Variants in NRXN1 observed in about 807,000 individuals in gnomAD.
NRXN1 encodes neurexin 1.
In NRXN1, 39 loss-of-function variants were observed where a neutral mutation model predicts 150.9. The ratio of observed to expected loss-of-function variants is 0.26; its 90% CI spans 0.20 to 0.34. The LOEUF is 0.34. NRXN1 is among the 10% of genes least tolerant of loss of function. The pLI is 1.00. For synonymous variants in NRXN1, 924 were observed against 757.0 expected, an observed-to-expected ratio of 1.22 and a Z score of -3.62; for missense variants, 1,815 against 1,949.9, an observed-to-expected ratio of 0.93 and a Z score of 1.30.
At chr2:50,873,164 T>C (rs1344570966) in intron 5 of NRXN1, among the ~76,000 whole-genome samples, 2 of 151,900 alleles carry the variant, frequency 1.3e-5, no homozygotes, top group African/African-American at 4.8e-5. Flanking sequence ...TATAATGAAG[T>C]AACCATAATA....
intron 18 of NRXN1, among the ~76,000 whole-genome samples, chr2:50,127,484 A>G (rs1411348615): frequency 6.6e-6 from 1 of 151,310 alleles, no homozygotes; most frequent in African/African-American, 2.5e-5. Flanking sequence ...CTTAGCTGTT[A>G]GAGTTCCTTA....
chr2:50,646,169 G>T (rs779598012), intron 5 of NRXN1, among the ~76,000 whole-genome samples: 3 of 151,826 alleles, frequency 2.0e-5, no homozygotes, highest in Non-Finnish European at 4.4e-5. Flanking sequence ...TATTAGGTTG[G>T]TGCAAAAGTA....
At chr2:50,864,637 T>C (rs1399361469) in intron 5 of NRXN1, among the ~76,000 whole-genome samples, 1 of 151,994 alleles carries the variant, frequency 6.6e-6, no homozygotes, top group Non-Finnish European at 1.5e-5. Flanking sequence ...TCACAAAAAA[T>C]ATTCATTTCT....
chr2:50,192,264 T>C (rs2061490841), intron 18 of NRXN1, among the ~76,000 whole-genome samples: 1 of 152,208 alleles, frequency 6.6e-6, no homozygotes, highest in Non-Finnish European at 1.5e-5. Flanking sequence ...TTTTTCATAG[T>C]TGATTATTAT....
rs1313805068 is a variant in NRXN1 at position 50,408,867 on chromosome 2, CT to C, written c.3364+56574del. Among the ~76,000 whole-genome samples the C allele has an allele frequency of 3.1e-5, 4 of 130,470 alleles. No individual in the cohort carries two copies. In the East Asian group the frequency reaches 9.8e-4, roughly 32 times the overall value. The allele number at this position is 130,470 out of a possible 152,430, so 85.6% of individuals were successfully genotyped here. On this transcript the variant is annotated intron_variant, in intron 17 of 22. Coordinates refer to ENST00000401669, the MANE Select transcript of NRXN1 (RefSeq NM_001330078.2). ...TCTCTCTCTCTCTCTCTCTCTCTCTCTCTCTCTCATATTTATATGCTCTAAA... is the reference window on the plus strand; with the variant it reads ...TCTCTCTCTCTCTCTCTCTCTCTCTCCTCTCTCATATTTATATGCTCTAAA...
At chr2:50,963,826 G>A in intron 2 of NRXN1, 1 of 284,628 alleles carries the variant, frequency 3.5e-6, no homozygotes, top group South Asian at 3.5e-5. Flanking sequence ...TCTGTGTATT[G>A]AATAACTTAG....
chr2:50,667,052 C>A (rs1237871947), intron 5 of NRXN1, among the ~76,000 whole-genome samples: 1 of 151,874 alleles, frequency 6.6e-6, no homozygotes, highest in Non-Finnish European at 1.5e-5. Context: ...TGCTTTATTA[C>A]CATATACTTC....
intron 15 of NRXN1, among the ~76,000 whole-genome samples, chr2:50,484,548 C>G (rs1361235812): frequency 2.0e-5 from 3 of 152,166 alleles, no homozygotes; most frequent in Non-Finnish European, 2.9e-5. Flanking sequence ...TTTGCACCAG[C>G]CGATGACTGA....
At chr2:50,910,244 G>C (rs1278148900) in intron 5 of NRXN1, among the ~76,000 whole-genome samples, 1 of 151,756 alleles carries the variant, frequency 6.6e-6, no homozygotes, top group Non-Finnish European at 1.5e-5. Context: ...TGTTTCCTTT[G>C]AAAATTAATT....
chr2:50,217,300 CT>C (rs2063469560), intron 18 of NRXN1, among the ~76,000 whole-genome samples: 1 of 152,042 alleles, frequency 6.6e-6, no homozygotes, highest in African/African-American at 2.4e-5. Context: ...TCAATCACAT[CT>C]TTAAAAATCA....
chr2:50,970,203 G>A (rs1043832883), intron 2 of NRXN1, among the ~76,000 whole-genome samples: 1 of 152,132 alleles, frequency 6.6e-6, no homozygotes, highest in African/African-American at 2.4e-5. Context: ...GGAGAAAAAG[G>A]GTTCTAGTTT....
At chr2:50,229,174 A>T (rs2064697504) in intron 18 of NRXN1, among the ~76,000 whole-genome samples, 1 of 152,030 alleles carries the variant, frequency 6.6e-6, no homozygotes. Context: ...CCATGTCTAG[A>T]GTGGGCCAGC....
chr2:50,868,369 G>T (rs984858285), intron 5 of NRXN1, among the ~76,000 whole-genome samples: 1 of 117,040 alleles, frequency 8.5e-6, no homozygotes, highest in Non-Finnish European at 1.6e-5. Flanking sequence ...ATAAATTGTG[G>T]AATAATAGAC....
chr2:50,219,460 T>G (rs955454543), intron 18 of NRXN1, among the ~76,000 whole-genome samples: 1 of 151,864 alleles, frequency 6.6e-6, no homozygotes, highest in Non-Finnish European at 1.5e-5. Flanking sequence ...TGAGGTTAGA[T>G]TTATACAATT....
rs143113918 is a variant in NRXN1, at chr2:50,704,314, T to C, written c.833-80699A>G. 4.6e-3 allele frequency among the ~76,000 whole-genome samples: 695 copies of C among 152,158 alleles called. 5 individuals carry two copies. Among genetic ancestry groups the C allele is most frequent in the African/African-American group, 0.016 (646 of 41,560 alleles). ...GTCAAGCACAATTTTTAAAAATATA[T>C]ATTATTCATCTTTAGGCAAAGTTTC... On this transcript the variant is annotated intron_variant, in intron 5 of 22. Coordinates refer to ENST00000401669, the MANE Select transcript of NRXN1 (RefSeq NM_001330078.2).
intron 17 of NRXN1, among the ~76,000 whole-genome samples, chr2:50,266,087 C>CT (rs935171547): frequency 6.7e-6 from 1 of 149,446 alleles, no homozygotes; most frequent in African/African-American, 2.4e-5. Context: ...CAACTTCTGC[C>CT]TCCTGGGTTC....
intron 17 of NRXN1, among the ~76,000 whole-genome samples, chr2:50,446,005 G>A (rs1231581152): frequency 6.6e-6 from 1 of 151,980 alleles, no homozygotes; most frequent in Non-Finnish European, 1.5e-5. Context: ...CCTGGTTTAA[G>A]TTATCCCTCA....
chr2:50,910,921 G>A (rs1463041227), intron 5 of NRXN1, among the ~76,000 whole-genome samples: 1 of 151,698 alleles, frequency 6.6e-6, no homozygotes, highest in Non-Finnish European at 1.5e-5. Context: ...TCTCACTGGG[G>A]CTAACTCAAG....
intron 17 of NRXN1, among the ~76,000 whole-genome samples, chr2:50,437,693 G>T (rs2085563604): frequency 6.8e-6 from 1 of 147,426 alleles, no homozygotes; most frequent in Admixed American, 6.7e-5. Flanking sequence ...ATGATACAGG[G>T]AGTTCTGGAT....
Sources: allele counts gnomAD v4.1 joint callset (sites outside exome capture counted in the v4.1 genomes callset), GRCh38; gene constraint gnomAD v4.1.1; transcripts MANE v1.5; gene names NCBI Gene and HGNC (gene_info 2026-07-23, HGNC 2026-07-21).